CDH13: variants seen among roughly 807,000 people sequenced by gnomAD.
The protein encoded by CDH13 is cadherin 13.
CDH13 carries 24 observed loss-of-function variants against 63.8 expected under a neutral mutation model. The ratio of observed to expected loss-of-function variants is 0.38; its 90% CI spans 0.27 to 0.53. The LOEUF is 0.53. Ranked by LOEUF, CDH13 falls within the 20% of genes least tolerant of loss-of-function variation. The pLI is 0.85. For missense variants in CDH13, 1,049 were observed against 903.1 expected (o/e 1.16, Z -2.07); for synonymous variants, 503 against 355.3 (o/e 1.42, Z -4.67).
chr16:83,163,264 G>A (rs2037523270), intron 4 of CDH13, among the ~76,000 whole-genome samples: 1 of 151,904 alleles, frequency 6.6e-6, no homozygotes, highest in African/African-American at 2.4e-5. Context: ...TTTATCAGTA[G>A]TGCAAAAAAT....
intron 10 of CDH13, among the ~76,000 whole-genome samples, chr16:83,731,357 C>T (rs943417390): frequency 2.0e-5 from 3 of 152,124 alleles, no homozygotes; most frequent in African/African-American, 7.2e-5. Flanking sequence ...AATAGCTATT[C>T]TGACTGGTGT....
intron 1 of CDH13, among the ~76,000 whole-genome samples, chr16:82,645,947 C>G (rs1910042851): frequency 6.6e-6 from 1 of 152,162 alleles, no homozygotes; most frequent in Non-Finnish European, 1.5e-5. Context: ...TTCATCATGC[C>G]TAAACTTTTG....
At chr16:83,438,139 C>T (rs185738503) in intron 6 of CDH13, among the ~76,000 whole-genome samples, 15 of 152,346 alleles carry the variant, frequency 9.8e-5, no homozygotes, top group African/African-American at 3.6e-4. Flanking sequence ...GCATCGAAAT[C>T]GCAGACCCTA....
In CDH13 at chr16:83,521,424, A is replaced by G. The variant is rs1476929525; in HGVS notation, c.960+34769A>G. 2.0e-5 allele frequency among the ~76,000 whole-genome samples: 3 copies of G among 152,190 alleles called. No homozygotes were observed. In the East Asian group the frequency reaches 5.8e-4, roughly 29 times the overall value. ...CTAATAGAGTAGTAGCGGCCAGGTG[A>G]CCTTTAGCAGGTTCCTTAATAGTGT... On this transcript the variant is annotated intron_variant, in intron 7 of 13. Coordinates refer to ENST00000567109, the MANE Select transcript of CDH13 (RefSeq NM_001257.5).
chr16:83,547,447 T>C (rs1461176859), intron 7 of CDH13, among the ~76,000 whole-genome samples: 1 of 152,132 alleles, frequency 6.6e-6, no homozygotes, highest in Admixed American at 6.6e-5. Flanking sequence ...CTGATCTTCT[T>C]CTCCCACCAT....
intron 2 of CDH13, 142 bp from the exon 3 acceptor site, chr16:83,031,868 C>T: frequency 3.0e-6 from 2 of 671,866 alleles, no homozygotes; most frequent in East Asian, 2.7e-5. Flanking sequence ...GCACAGGCAT[C>T]TTGCTGTGGG....
chr16:83,229,671 C>A (rs143091412), intron 5 of CDH13, among the ~76,000 whole-genome samples: 2 of 152,054 alleles, frequency 1.3e-5, no homozygotes, highest in Non-Finnish European at 2.9e-5. Context: ...AGATCATTTC[C>A]GTATTTTTCT....
intron 6 of CDH13, among the ~76,000 whole-genome samples, chr16:83,430,816 C>G (rs11649048): frequency 0.41 from 61,878 of 151,816 alleles, 13,322 homozygotes; most frequent in East Asian, 0.5. Context: ...AATCTACACA[C>G]CAGTTCTTTT....
At position 83,780,191 on chromosome 16, in the gene CDH13, C is replaced by T. The variant is rs1166773384; in HGVS notation, c.1905C>T (p.Ser635=). The T allele has an allele frequency of 1.2e-5, 19 of 1,589,556 alleles. No individual in the cohort carries two copies. The highest frequency in any genetic ancestry group is 1.5e-5 in the Non-Finnish European group (18 of 1,164,366). The part of the protein sequence containing the change: ...QAVPDKVWKI[S]KINNTHALVS... ...TTCCTGATAAAGTCTGGAAGATCTC[C>T]AAGATCAACAGTAAGTCTGGCTAAA... Residue 635 remains serine (S), a synonymous_variant, in exon 12 of 14, where the codon TCC becomes TCT. Transcript: ENST00000567109.
intron 7 of CDH13, among the ~76,000 whole-genome samples, chr16:83,532,568 C>G (rs1377918895): frequency 1.3e-5 from 2 of 152,232 alleles, no homozygotes; most frequent in Admixed American, 1.3e-4. Context: ...ATGGTAGCTT[C>G]TCCATAAATA....
intron 1 of CDH13, among the ~76,000 whole-genome samples, chr16:82,643,587 A>C (rs1045697063): frequency 6.6e-6 from 1 of 152,192 alleles, no homozygotes; most frequent in Non-Finnish European, 1.5e-5. Flanking sequence ...GGCCTATTGG[A>C]AATAAAGCAA....
intron 6 of CDH13, among the ~76,000 whole-genome samples, chr16:83,454,098 G>A (rs976615247): frequency 2.6e-5 from 4 of 152,168 alleles, no homozygotes; most frequent in Non-Finnish European, 2.9e-5. Context: ...TGCATGTTCC[G>A]TGAAACACTA....
At chr16:83,388,969 T>C (rs2091732235) in intron 6 of CDH13, among the ~76,000 whole-genome samples, 1 of 152,188 alleles carries the variant, frequency 6.6e-6, no homozygotes, top group Admixed American at 6.5e-5. Context: ...ATGATAGGAA[T>C]GACCAGGGCG....
intron 2 of CDH13, among the ~76,000 whole-genome samples, chr16:82,863,367 T>C (rs1369833390): frequency 6.6e-6 from 1 of 152,174 alleles, no homozygotes; most frequent in Non-Finnish European, 1.5e-5. Flanking sequence ...TTAGAAACAC[T>C]AGGGGAGGGA....
At chr16:82,968,356 C>T (rs1386698104) in intron 2 of CDH13, among the ~76,000 whole-genome samples, 1 of 152,136 alleles carries the variant, frequency 6.6e-6, no homozygotes, top group Non-Finnish European at 1.5e-5. Context: ...TCCAAGAAGG[C>T]CTCAGACCTA....
At position 82,841,887 on chromosome 16, in the gene CDH13, A is replaced by G. The variant is rs78918935; in HGVS notation, c.46-16475A>G. Among the ~76,000 whole-genome samples, 767 of 152,012 alleles carry G rather than the reference A, an allele frequency of 5.0e-3. 9 individuals carry two copies. The highest frequency in any genetic ancestry group is 0.018 in the African/African-American group (741 of 41,444). ...GCTCTTCACAACTCCGTATTCAGTG[A>G]TTTCACATTAGTAGCTTGAAATTAG... On this transcript the variant is annotated intron_variant, in intron 1 of 13. Transcript: ENST00000567109.
chr16:83,663,870 G>A (rs528143103), intron 8 of CDH13, among the ~76,000 whole-genome samples: 15 of 152,188 alleles, frequency 9.9e-5, no homozygotes, highest in African/African-American at 3.1e-4. Context: ...CAGATAAAGA[G>A]AGGAGAAGGC....
At chr16:83,591,565 G>A (rs941724091) in intron 7 of CDH13, among the ~76,000 whole-genome samples, 2 of 152,128 alleles carry the variant, frequency 1.3e-5, no homozygotes, top group Non-Finnish European at 2.9e-5. Context: ...CTCCAGGCAC[G>A]CTGGTGGCCC....
intron 5 of CDH13, among the ~76,000 whole-genome samples, chr16:83,337,133 G>A (rs2090615979): frequency 6.6e-6 from 1 of 152,206 alleles, no homozygotes; most frequent in Non-Finnish European, 1.5e-5. Flanking sequence ...TTTACGTACA[G>A]CCAATTCCTA....
Sources: allele counts gnomAD v4.1 joint callset (sites outside exome capture counted in the v4.1 genomes callset), GRCh38; gene constraint gnomAD v4.1.1; transcripts MANE v1.5; gene names NCBI Gene and HGNC (gene_info 2026-07-23, HGNC 2026-07-21).